Variants in COL23A1 observed in about 807,000 individuals in gnomAD.
COL23A1 encodes the protein collagen type XXIII alpha 1 chain.
COL23A1 carries 97 observed loss-of-function variants against 99.3 expected under a neutral mutation model. The observed-to-expected ratio is 0.98, with a 90% CI of 0.83 to 1.16. The LOEUF is 1.16. Ranked by LOEUF, COL23A1 falls within the 50% of genes most tolerant of loss-of-function variation. COL23A1 has a pLI of 0.00. For missense variants in COL23A1, 762 were observed against 757.4 expected (o/e 1.01, Z -0.07); for synonymous variants, 320 against 308.2 (o/e 1.04, Z -0.40).
chr5:178,290,415 G>T (rs1405429202), intron 3 of COL23A1, 46 bp from the exon 4 acceptor site: 1 of 1,613,814 alleles, frequency 6.2e-7, no homozygotes, highest in Non-Finnish European at 8.5e-7. Context: ...GGAAGGCAGA[G>T]TCCCCTCGCC....
intron 2 of COL23A1, among the ~76,000 whole-genome samples, chr5:178,364,551 C>T (rs578069769): frequency 5.3e-4 from 80 of 151,894 alleles, no homozygotes; most frequent in African/African-American, 8.7e-4. Context: ...CCTCACGGGC[C>T]GTCTTCCTAA....
intron 2 of COL23A1, among the ~76,000 whole-genome samples, chr5:178,513,161 T>C (rs914227815): frequency 6.6e-6 from 1 of 152,060 alleles, no homozygotes; most frequent in South Asian, 2.1e-4. Flanking sequence ...TGGGACGAGA[T>C]GAGCTTCAGC....
intron 2 of COL23A1, among the ~76,000 whole-genome samples, chr5:178,539,047 G>C (rs1435241677): frequency 6.6e-6 from 1 of 152,208 alleles, no homozygotes; most frequent in Non-Finnish European, 1.5e-5. Flanking sequence ...AAATTAAATA[G>C]ATTCGTGGTT....
chr5:178,498,309 T>A (rs1458839575), intron 2 of COL23A1, among the ~76,000 whole-genome samples: 2 of 143,140 alleles, frequency 1.4e-5, no homozygotes, highest in Non-Finnish European at 3.0e-5. Flanking sequence ...GAAACACATT[T>A]TACCTTTAAA....
At chr5:178,576,911 T>C (rs262051) in intron 1 of COL23A1, among the ~76,000 whole-genome samples, 39,429 of 151,500 alleles carry the variant, frequency 0.26, 7,112 homozygotes, top group African/African-American at 0.5. Flanking sequence ...AGCGCGGCGC[T>C]GGCCGCTCTG....
rs979559658 is a variant in COL23A1 at position 178,471,011 on chromosome 5, G to A, written c.361+89671C>T. 1.5e-4 allele frequency among the ~76,000 whole-genome samples: 23 copies of A among 152,230 alleles called. 1 individual carries two copies. Among genetic ancestry groups the A allele is most frequent in the Non-Finnish European group, 2.9e-5 (2 of 68,044 alleles). On this transcript the variant is annotated intron_variant, in intron 2 of 28. Transcript: ENST00000390654. ...TAACTTTCAGCTCTGTGCAGTGCAC[G>A]AAGTGGTTCTGAAAAAGCATCTGCT... is the stretch of plus-strand genomic sequence containing the variant.
At position 178,415,793 on chromosome 5, in the gene COL23A1, G is replaced by C. The variant is rs767229049; in HGVS notation, c.362-108874C>G. On this transcript the variant is annotated intron_variant, in intron 2 of 28. Coordinates refer to ENST00000390654, the MANE Select transcript of COL23A1 (RefSeq NM_173465.4). This position sits in a 1 kb window ranked among gnomAD's most constrained non-coding sequence, Gnocchi z 4.6. Reference sequence around the variant, plus strand: ...CTCCCAGCCTAGCGGGAGGTAGACAGGCAAACAAGAAAGACTGAAAACTCC... The same window carrying C: ...CTCCCAGCCTAGCGGGAGGTAGACACGCAAACAAGAAAGACTGAAAACTCC... Among the ~76,000 whole-genome samples, 2 of 152,128 alleles carry C rather than the reference G, an allele frequency of 1.3e-5. No homozygotes were observed. Among genetic ancestry groups the C allele is most frequent in the Non-Finnish European group, 2.9e-5 (2 of 68,022 alleles).
chr5:178,524,652 T>C (rs928876445), intron 2 of COL23A1, among the ~76,000 whole-genome samples: 2 of 152,226 alleles, frequency 1.3e-5, no homozygotes, highest in African/African-American at 4.8e-5. Context: ...CCCATTCTCC[T>C]GCAGACCTGG....
At chr5:178,504,126 C>T (rs919036321) in intron 2 of COL23A1, among the ~76,000 whole-genome samples, 20 of 152,086 alleles carry the variant, frequency 1.3e-4, no homozygotes, top group Non-Finnish European at 2.5e-4. Context: ...GTCATCTTTT[C>T]GTCTGAGGCA....
intron 27 of COL23A1, among the ~76,000 whole-genome samples, chr5:178,240,548 A>G (rs1243595481): frequency 1.3e-5 from 2 of 152,202 alleles, no homozygotes; most frequent in African/African-American, 4.8e-5. Flanking sequence ...CCTGTTTCAA[A>G]GGAGACAAGG....
chr5:178,491,785 A>C (rs1372517215), intron 2 of COL23A1, among the ~76,000 whole-genome samples: 1 of 152,080 alleles, frequency 6.6e-6, no homozygotes, highest in Non-Finnish European at 1.5e-5. Flanking sequence ...CCCAGGCTGG[A>C]GTGCAGTGGT....
At position 178,364,957 on chromosome 5, in the gene COL23A1, G is replaced by A. The variant is rs149372128; in HGVS notation, c.362-58038C>T. 5.9e-3 allele frequency among the ~76,000 whole-genome samples: 904 copies of A among 152,314 alleles called. 3 individuals carry two copies. The highest frequency in any genetic ancestry group is 9.6e-3 in the Non-Finnish European group (652 of 68,036). Reference sequence around the variant, plus strand: ...GAACTGGCTTGGAAGCCTGGGCTCCGAGCTGCTCACTCACAACCCTCGCCA... The same window carrying A: ...GAACTGGCTTGGAAGCCTGGGCTCCAAGCTGCTCACTCACAACCCTCGCCA... On this transcript the variant is annotated intron_variant, in intron 2 of 28. Transcript: ENST00000390654.
intron 2 of COL23A1, among the ~76,000 whole-genome samples, chr5:178,523,297 C>T (rs1205800506): frequency 2.1e-5 from 3 of 144,696 alleles, no homozygotes; most frequent in Non-Finnish European, 4.5e-5. Flanking sequence ...TGTGGTGGTG[C>T]GCGCCCGTAA....
chr5:178,517,665 G>A lies in COL23A1; in HGVS notation c.361+43017C>T, dbSNP rs186887239. Among the ~76,000 whole-genome samples the A allele has an allele frequency of 1.4e-3, 205 of 147,428 alleles. 1 individual carries two copies. Among genetic ancestry groups the A allele is most frequent in the African/African-American group, 4.1e-3 (163 of 39,756 alleles). On this transcript the variant is annotated intron_variant, in intron 2 of 28. Transcript: ENST00000390654. ...CAACCTCCAACTCCCTGGTTCAAGC[G>A]ATCCTTCTGCCTCAGCCTCCCAAGT...
At chr5:178,252,410 C>T (rs1315837925) in intron 17 of COL23A1, 134 bp downstream of exon 17, 5 of 715,446 alleles carry the variant, frequency 7.0e-6, no homozygotes, top group Non-Finnish European at 9.1e-6. Flanking sequence ...AGCCCAGGCC[C>T]GTTCTCTGAG....
At chr5:178,402,319 T>A (rs1163818964) in intron 2 of COL23A1, among the ~76,000 whole-genome samples, 1 of 152,078 alleles carries the variant, frequency 6.6e-6, no homozygotes, top group South Asian at 2.1e-4. Context: ...GGTGAGACCC[T>A]GTCTCTAAAA....
At chr5:178,508,468 G>T (rs942379634) in intron 2 of COL23A1, among the ~76,000 whole-genome samples, 3 of 152,166 alleles carry the variant, frequency 2.0e-5, no homozygotes, top group Non-Finnish European at 4.4e-5. Flanking sequence ...TCAGAGTCTG[G>T]ATCTTGTTTA....
At chr5:178,269,474 C>CCCACCCACCCATCCACCCATCCAT (rs1488474689) in intron 6 of COL23A1, among the ~76,000 whole-genome samples, 1 of 70,960 alleles carries the variant, frequency 1.4e-5, no homozygotes, top group Admixed American at 1.5e-4. Context: ...CACCCATCCA[C>CCCACCCACCCATCCACCCATCCAT]CCACCCATCC....
chr5:178,293,610 G>A (rs1757578941), intron 3 of COL23A1, among the ~76,000 whole-genome samples: 1 of 151,860 alleles, frequency 6.6e-6, no homozygotes. Context: ...AGTGGAGCAT[G>A]TGGAGGGGAC....
Sources: gnomAD v4.1 joint callset for allele counts (sites outside exome capture counted in the v4.1 genomes callset) on GRCh38, gnomAD v4.1.1 for gene constraint, Gnocchi (gnomAD v3.1) non-coding constraint, MANE v1.5 for transcripts, NCBI Gene and HGNC (gene_info 2026-07-23, HGNC 2026-07-21) for gene names.